PARD3B: variants seen among roughly 807,000 people sequenced by gnomAD.
PARD3B encodes the protein par-3 family cell polarity regulator beta.
PARD3B carries 103 observed loss-of-function variants against 130.2 expected under a neutral mutation model. The observed-to-expected ratio is 0.79, with a 90% CI of 0.67 to 0.93. PARD3B has a LOEUF of 0.93. Ranked by LOEUF, PARD3B falls within the 40% of genes least tolerant of loss-of-function variation. The probability of loss-of-function intolerance (pLI) is 0.00; values close to 1 mark genes in which losing one functional copy is unlikely to be tolerated. For missense variants in PARD3B, 1,609 were observed against 1,499.2 expected, an observed-to-expected ratio of 1.07 and a Z score of -1.21; for synonymous variants, 583 against 553.2, an observed-to-expected ratio of 1.05 and a Z score of -0.76.
chr2:205,337,025 A>G (rs2043338878), intron 18 of PARD3B, among the ~76,000 whole-genome samples: 1 of 151,474 alleles, frequency 6.6e-6, no homozygotes, highest in South Asian at 2.1e-4. Flanking sequence ...AATGTAACCT[A>G]ACAAGTGTTA....
intron 1 of PARD3B, among the ~76,000 whole-genome samples, chr2:204,571,254 C>G (rs1430251689): frequency 6.6e-6 from 1 of 152,214 alleles, no homozygotes; most frequent in Non-Finnish European, 1.5e-5. Context: ...TGAATATGAA[C>G]TAGCTCTGAA....
intron 21 of PARD3B, among the ~76,000 whole-genome samples, chr2:205,519,093 C>T (rs1040224058): frequency 7.2e-5 from 11 of 152,108 alleles, no homozygotes; most frequent in Non-Finnish European, 1.3e-4. Flanking sequence ...TAGAATCTTG[C>T]AGGAGTTATC....
chr2:205,238,876 A>G (rs1213717703), intron 15 of PARD3B, among the ~76,000 whole-genome samples: 10 of 87,842 alleles, frequency 1.1e-4, no homozygotes, highest in Non-Finnish European at 1.9e-4. Context: ...ATATATATAT[A>G]TGTATGTGTG....
chr2:204,764,715 C>CGTGTGTGT (rs10522212), intron 2 of PARD3B, among the ~76,000 whole-genome samples: 2,949 of 145,714 alleles, frequency 0.02, 58 homozygotes, highest in South Asian at 0.056. Context: ...GGCATGCATG[C>CGTGTGTGT]GTGTGTGTGT....
chr2:205,514,117 A>G (rs897896050), intron 21 of PARD3B, among the ~76,000 whole-genome samples: 5 of 152,144 alleles, frequency 3.3e-5, no homozygotes, highest in African/African-American at 7.2e-5. Flanking sequence ...TTTCTGCATC[A>G]CACTGTCCCA....
chr2:204,565,968 C>A (rs1455229249), intron 1 of PARD3B, among the ~76,000 whole-genome samples: 2 of 152,156 alleles, frequency 1.3e-5, no homozygotes, highest in African/African-American at 2.4e-5. Context: ...TGAAATTTTA[C>A]CTGCTTCATC....
At chr2:204,755,927 G>A (rs1356448948) in intron 2 of PARD3B, among the ~76,000 whole-genome samples, 1 of 152,104 alleles carries the variant, frequency 6.6e-6, no homozygotes, top group Non-Finnish European at 1.5e-5. Context: ...GATTTTTAGA[G>A]AGAGTGAAAC....
chr2:205,287,358 C>T lies in PARD3B; in HGVS notation c.2186-13172C>T, dbSNP rs1053360421. ...GAACATCCACAAAGAAATGTAGCTG[C>T]ACCCAGGGTCTCCATGTCAGCAGTA... On this transcript the variant is annotated intron_variant, in intron 16 of 22. Transcript: ENST00000406610. This position sits in a 1 kb window ranked among gnomAD's most constrained non-coding sequence, Gnocchi z 4.8. Among the ~76,000 whole-genome samples the T allele has an allele frequency of 6.6e-6, 1 of 152,222 alleles. No individual in the cohort carries two copies. The highest frequency in any genetic ancestry group is 1.5e-5 in the Non-Finnish European group (1 of 68,046).
chr2:205,159,634 A>G (rs1382613331), intron 11 of PARD3B, among the ~76,000 whole-genome samples: 5 of 152,208 alleles, frequency 3.3e-5, no homozygotes, highest in African/African-American at 1.2e-4. Flanking sequence ...ATAGGTTTCC[A>G]GGATTAAATC....
intron 19 of PARD3B, among the ~76,000 whole-genome samples, chr2:205,416,241 T>G (rs984204636): frequency 3.3e-5 from 5 of 152,116 alleles, no homozygotes; most frequent in Admixed American, 1.3e-4. Flanking sequence ...TGTGTCTTTG[T>G]GTGTGATATA....
chr2:204,860,165 T>C (rs2045123746), intron 2 of PARD3B, among the ~76,000 whole-genome samples: 1 of 152,204 alleles, frequency 6.6e-6, no homozygotes, highest in Non-Finnish European at 1.5e-5. Context: ...AAATGTGTTA[T>C]ATCAATGACT....
At chr2:205,599,589 G>T (rs764029751) in intron 22 of PARD3B, among the ~76,000 whole-genome samples, 5 of 152,214 alleles carry the variant, frequency 3.3e-5, no homozygotes, top group Non-Finnish European at 5.9e-5. Context: ...CAAGGGAAAA[G>T]ATTTAGGAAT....
intron 11 of PARD3B, among the ~76,000 whole-genome samples, chr2:205,167,648 T>G (rs1035641947): frequency 6.6e-6 from 1 of 152,220 alleles, no homozygotes; most frequent in African/African-American, 2.4e-5. Context: ...TTTAGCATGA[T>G]GCACAGAGTA....
At chr2:205,422,361 A>G (rs1010093980) in intron 19 of PARD3B, among the ~76,000 whole-genome samples, 5 of 152,216 alleles carry the variant, frequency 3.3e-5, no homozygotes, top group African/African-American at 1.2e-4. Context: ...TCTAAGTGTT[A>G]AAGGAAGACA....
At chr2:204,781,817 T>C (rs571069469) in intron 2 of PARD3B, among the ~76,000 whole-genome samples, 2 of 152,194 alleles carry the variant, frequency 1.3e-5, no homozygotes, top group Non-Finnish European at 1.5e-5. Context: ...ATATATATAT[T>C]TTTAGTATGA....
At chr2:204,806,024 A>G (rs190408884) in intron 2 of PARD3B, among the ~76,000 whole-genome samples, 2 of 152,278 alleles carry the variant, frequency 1.3e-5, no homozygotes, top group Admixed American at 1.3e-4. Context: ...ATGTTCATGG[A>G]TTGGAAGAAT....
chr2:204,973,972 C>T (rs1029103818), intron 3 of PARD3B, among the ~76,000 whole-genome samples: 13 of 152,320 alleles, frequency 8.5e-5, no homozygotes, highest in African/African-American at 3.1e-4. Context: ...ATCACCACCA[C>T]ACCCTGTCAA....
intron 1 of PARD3B, among the ~76,000 whole-genome samples, chr2:204,685,912 T>A (rs1314179676): frequency 6.6e-6 from 1 of 152,186 alleles, no homozygotes; most frequent in African/African-American, 2.4e-5. Flanking sequence ...TCCCTGAGTA[T>A]GTTTTTCAAA....
At chr2:205,519,743 G>A (rs938230582) in intron 21 of PARD3B, among the ~76,000 whole-genome samples, 2 of 147,172 alleles carry the variant, frequency 1.4e-5, no homozygotes, top group Non-Finnish European at 3.0e-5. Context: ...ATTGAGTACA[G>A]TCAGTAGACT....
Sources: allele counts gnomAD v4.1 joint callset (sites outside exome capture counted in the v4.1 genomes callset), GRCh38; gene constraint gnomAD v4.1.1; non-coding constraint Gnocchi (gnomAD v3.1); transcripts MANE v1.5; gene names NCBI Gene and HGNC (gene_info 2026-07-23, HGNC 2026-07-21).